TNIP1: variants seen among roughly 807,000 people sequenced by gnomAD.
TNIP1 encodes the protein TNFAIP3 interacting protein 1.
In TNIP1, 22 loss-of-function variants were observed where a neutral mutation model predicts 86.6. The observed-to-expected ratio is 0.25, with a 90% CI of 0.18 to 0.36. TNIP1 has a LOEUF of 0.36. Ranked by LOEUF, TNIP1 falls within the 10% of genes least tolerant of loss-of-function variation. The pLI is 1.00. For missense variants in TNIP1, 709 were observed against 820.6 expected, an observed-to-expected ratio of 0.86 and a Z score of 1.66; for synonymous variants, 294 against 313.0, an observed-to-expected ratio of 0.94 and a Z score of 0.64.
rs1303361286 is a variant in TNIP1 at position 151,030,616 on chromosome 5, C to G, written c.*97G>C. ...ATCTCAGCCTCTCATCCAGCTGAGG[C>G]TCTGGCCACACCGTGCAAGTGGCTT... On this transcript the variant is annotated 3_prime_UTR_variant, in exon 18 of 18. Coordinates refer to ENST00000521591, the MANE Select transcript of TNIP1 (RefSeq NM_006058.5). 6.3e-7 allele frequency: 1 copy of G among 1,591,100 alleles called. No homozygotes were observed. Among genetic ancestry groups the G allele is most frequent in the Admixed American group, 1.7e-5 (1 of 57,650 alleles).
chr5:151,071,045 T>A (rs1762772795), intron 1 of TNIP1, among the ~76,000 whole-genome samples: 1 of 152,102 alleles, frequency 6.6e-6, no homozygotes, highest in Non-Finnish European at 1.5e-5. Flanking sequence ...GGGGGCGCAG[T>A]ATATGTAAAA....
At chr5:151,048,416 G>A (rs533402763) in intron 8 of TNIP1, among the ~76,000 whole-genome samples, 1 of 152,274 alleles carries the variant, frequency 6.6e-6, no homozygotes, top group African/African-American at 2.4e-5. Flanking sequence ...TTTTACAGAG[G>A]AAACTGAGGC....
chr5:151,030,555 G>A lies in TNIP1; in HGVS notation c.*158C>T, dbSNP rs1186249727. 2 of 1,182,710 alleles carry A rather than the reference G, an allele frequency of 1.7e-6. No individual in the cohort carries two copies. The highest frequency in any genetic ancestry group is 2.4e-6 in the Non-Finnish European group (2 of 822,210). The allele number at this position is 1,182,710 out of a possible 1,614,324, so 73.3% of individuals were successfully genotyped here. A position where few individuals can be genotyped will look rare whatever the true frequency, so the allele number is the denominator to read the frequency against. On this transcript the variant is annotated 3_prime_UTR_variant, in exon 18 of 18. Coordinates refer to ENST00000521591, the MANE Select transcript of TNIP1 (RefSeq NM_006058.5). ...TGGAGCCTCCCCAGTCCTGTAAACA[G>A]CTCAGTTCAGGGACTGGTGTACAAG... is the stretch of plus-strand genomic sequence containing the variant.
intron 6 of TNIP1, among the ~76,000 whole-genome samples, chr5:151,053,968 C>A (rs1417246545): frequency 6.6e-6 from 1 of 152,212 alleles, no homozygotes; most frequent in Non-Finnish European, 1.5e-5. Context: ...AGGACCAGGG[C>A]CATTCACTAA....
intron 1 of TNIP1, among the ~76,000 whole-genome samples, chr5:151,069,813 C>G (rs572305069): frequency 6.6e-6 from 1 of 152,160 alleles, no homozygotes; most frequent in Non-Finnish European, 1.5e-5. Context: ...CTCATTCCCT[C>G]ACATGCAAGG....
intron 15 of TNIP1, chr5:151,034,635 A>G: frequency 3.0e-6 from 1 of 333,844 alleles, no homozygotes; most frequent in Non-Finnish European, 5.6e-6. Flanking sequence ...TGGGCATGGA[A>G]GGCTGGGCAT....
intron 1 of TNIP1, among the ~76,000 whole-genome samples, chr5:151,075,723 C>A (rs577355629): frequency 1.3e-5 from 2 of 152,378 alleles, no homozygotes; most frequent in South Asian, 2.1e-4. Flanking sequence ...GGGACCAGGG[C>A]TCCTAAGTCT....
intron 1 of TNIP1, among the ~76,000 whole-genome samples, chr5:151,071,030 G>GT (rs1411730698): frequency 2.0e-5 from 3 of 151,364 alleles, no homozygotes; most frequent in Non-Finnish European, 4.4e-5. Context: ...CCTGTTAGGG[G>GT]TGGGGGGGGC....
chr5:151,084,526 C>T (rs113943992), upstream of TNIP1, among the ~76,000 whole-genome samples: 618 of 152,092 alleles, frequency 4.1e-3, 3 homozygotes, highest in African/African-American at 0.014. Context: ...GGCCAGAGAG[C>T]GGCAGGGACT....
chr5:151,051,602 G>A (rs1456142325), intron 7 of TNIP1, among the ~76,000 whole-genome samples: 4 of 152,208 alleles, frequency 2.6e-5, no homozygotes, highest in African/African-American at 9.7e-5. Context: ...TTCCCAAGGC[G>A]TGATCCTGTG....
At chr5:151,035,446 G>A (rs540774695) in intron 14 of TNIP1, 136 bp downstream of exon 14, 86 of 1,323,106 alleles carry the variant, frequency 6.5e-5, no homozygotes, top group South Asian at 1.5e-4. Context: ...GGGCCTTGCC[G>A]AGCTCAAATA....
At chr5:151,083,803 A>T (rs1764171364), upstream of TNIP1, among the ~76,000 whole-genome samples, 1 of 152,210 alleles carries the variant, frequency 6.6e-6, no homozygotes, top group Non-Finnish European at 1.5e-5. Context: ...ATCTATAACC[A>T]ACTTAACTCT....
At chr5:151,051,631 A>C (rs555927099) in intron 7 of TNIP1, among the ~76,000 whole-genome samples, 1 of 152,184 alleles carries the variant, frequency 6.6e-6, no homozygotes, top group Non-Finnish European at 1.5e-5. Context: ...GTTCATAATC[A>C]CAGAGACTCC....
intron 15 of TNIP1, among the ~76,000 whole-genome samples, 174 bp from the exon 16 acceptor site, chr5:151,033,973 A>G (rs563130838): frequency 6.6e-6 from 1 of 152,370 alleles, no homozygotes; most frequent in East Asian, 1.9e-4. Context: ...ATACATGGGC[A>G]TAGAAGGCTG....
intron 5 of TNIP1, among the ~76,000 whole-genome samples, chr5:151,059,808 AGAGAGAGAGAGAGAGAGAGAGTGTGT>A (rs1300542640): frequency 8.8e-6 from 1 of 113,470 alleles, no homozygotes; most frequent in African/African-American, 4.3e-5. Context: ...AGAGAGAGAG[AGAGAGAGAGAGAGAGAGAGAGTGTGT>A]GTGTGTGTGT....
At chr5:151,039,278 C>G in intron 11 of TNIP1, 53 bp from the exon 12 acceptor site, 1 of 1,566,798 alleles carries the variant, frequency 6.4e-7, no homozygotes, top group South Asian at 1.2e-5. Context: ...TCCAGGAGGC[C>G]TCGGATTCTC....
intron 12 of TNIP1, 39 bp from the exon 13 acceptor site, chr5:151,036,960 C>G (rs746723924): frequency 1.9e-6 from 3 of 1,549,610 alleles, no homozygotes; most frequent in Non-Finnish European, 2.6e-6. Flanking sequence ...GCAGGAACCC[C>G]TGGAAATCAG....
intron 7 of TNIP1, among the ~76,000 whole-genome samples, chr5:151,051,056 C>A (rs1409502602): frequency 1.3e-5 from 2 of 152,200 alleles, no homozygotes; most frequent in East Asian, 3.9e-4. Flanking sequence ...CAAGGTCATA[C>A]AGCAGAGACT....
intron 3 of TNIP1, among the ~76,000 whole-genome samples, chr5:151,063,149 AAGCCC>A (rs1293928264): frequency 6.6e-6 from 1 of 152,230 alleles, no homozygotes; most frequent in Non-Finnish European, 1.5e-5. Flanking sequence ...GCTAACAGGC[AAGCCC>A]AGCTTCTTCC....
Sources: gnomAD v4.1 joint callset for allele counts (sites outside exome capture counted in the v4.1 genomes callset) on GRCh38, gnomAD v4.1.1 for gene constraint, MANE v1.5 for transcripts, NCBI Gene and HGNC (gene_info 2026-07-23, HGNC 2026-07-21) for gene names.